AFF4: variants seen among roughly 807,000 people sequenced by gnomAD.
AFF4 encodes the protein ALF transcription elongation factor 4.
A neutral mutation model predicts 124.8 loss-of-function variants in AFF4; 13 were observed. The observed-to-expected ratio is 0.10, with a 90% CI of 0.07 to 0.17. The LOEUF (loss-of-function observed/expected upper bound fraction) is 0.17. Among genes scored for constraint, AFF4 ranks in the 10% least tolerant of loss-of-function variants. The pLI is 1.00. For synonymous variants in AFF4, 477 were observed against 496.1 expected (o/e 0.96, Z 0.51); for missense variants, 1,092 against 1,403.8 (o/e 0.78, Z 3.55).
At chr5:132,892,546 A>AT in intron 12 of AFF4, 142 bp from the exon 13 acceptor site, 1 of 1,283,526 alleles carries the variant, frequency 7.8e-7, no homozygotes, top group Non-Finnish European at 1.1e-6. Context: ...ATAAAACAAA[A>AT]TAAGACTGTA....
At chr5:132,914,675 T>TAAAAAACAAAAACAACAGAGAAAG (rs1760868422) in intron 5 of AFF4, among the ~76,000 whole-genome samples, 1 of 147,406 alleles carries the variant, frequency 6.8e-6, no homozygotes, top group Non-Finnish European at 1.5e-5. Flanking sequence ...ATCAGTGCAA[T>TAAAAAACAAAAACAACAGAGAAAG]AAAAAACAAA....
intron 1 of AFF4, among the ~76,000 whole-genome samples, chr5:132,946,370 T>C (rs1258221959): frequency 6.6e-6 from 1 of 152,206 alleles, no homozygotes. Flanking sequence ...CCAATGTTCA[T>C]AGCAGCATTG....
chr5:132,936,266 CAAA>C (rs747936348), intron 2 of AFF4, among the ~76,000 whole-genome samples: 1 of 45,460 alleles, frequency 2.2e-5, no homozygotes, highest in African/African-American at 8.8e-5. Flanking sequence ...GACTCCGTCT[CAAA>C]AAAAAAAAAA....
In AFF4 at chr5:132,934,594, G is replaced by A. The variant is rs1761380887; in HGVS notation, c.471C>T (p.Asn157=). The change falls in exon 3 of 21, where the codon AAC becomes AAT. Residue 157 remains asparagine, a synonymous_variant. Transcript: ENST00000265343. ...TTTTCCGGCTACTGCTCCCACTATTGTTATATGACTCACGGTCGTGCCTCT... is the reference window on the plus strand; with the variant it reads ...TTTTCCGGCTACTGCTCCCACTATTATTATATGACTCACGGTCGTGCCTCT... ...SGQRHDRESY[N]NSGSSSRKKG... is the part of the protein sequence containing the mutation. 6 of 1,614,064 alleles carry A rather than the reference G, an allele frequency of 3.7e-6. No homozygotes were observed. The East Asian group carries it at 1.3e-4, about 36-fold the overall frequency.
intron 5 of AFF4, among the ~76,000 whole-genome samples, chr5:132,907,596 A>G (rs751740073): frequency 2.0e-5 from 3 of 152,098 alleles, no homozygotes; most frequent in Non-Finnish European, 4.4e-5. Context: ...ATGCATGTGT[A>G]CCTGTGTGCT....
chr5:132,953,163 T>TA (rs112131226), intron 1 of AFF4, among the ~76,000 whole-genome samples: 3,615 of 143,308 alleles, frequency 0.025, 128 homozygotes, highest in African/African-American at 0.081. Flanking sequence ...CTGTCTCTAC[T>TA]AAAAAAAAAA....
In AFF4 at chr5:132,897,240, G is replaced by C. The variant is rs768091609; in HGVS notation, c.1390C>G (p.Pro464Ala). 2 of 1,610,012 alleles carry C rather than the reference G, an allele frequency of 1.2e-6. No individual in the cohort carries two copies. The highest frequency in any genetic ancestry group is 1.7e-6 in the Non-Finnish European group (2 of 1,177,516). The change falls in exon 11 of 21, where the codon CCT (proline) becomes GCT (alanine). Residue 464 changes from proline to alanine, a missense_variant and splice_region_variant. Transcript: ENST00000265343. ...CATTTGTTTGTTGGCGGGGGTTCAG[G>C]CTGAAAAACAGAGAAATATGTATGC... ...NEPSQSASPEPEPPPTNKWQL... is the reference protein window; with the variant it reads ...NEPSQSASPEAEPPPTNKWQL...
At chr5:132,958,603 G>A (rs758122002) in intron 1 of AFF4, among the ~76,000 whole-genome samples, 62 of 151,834 alleles carry the variant, frequency 4.1e-4, no homozygotes, top group African/African-American at 1.2e-3. Flanking sequence ...CTTTAAAAAC[G>A]GTGAAATTTT....
intron 12 of AFF4, 51 bp downstream of exon 12, chr5:132,892,979 T>G: frequency 1.3e-6 from 2 of 1,538,988 alleles, no homozygotes; most frequent in Non-Finnish European, 1.8e-6. Context: ...CACTATCAAA[T>G]GATATACATA....
chr5:132,895,932 G>A (rs1397556233), intron 11 of AFF4, among the ~76,000 whole-genome samples: 1 of 152,178 alleles, frequency 6.6e-6, no homozygotes, highest in African/African-American at 2.4e-5. Context: ...GACTTGGTCT[G>A]GGTGTACATC....
chr5:132,955,128 C>T (rs1761924001), intron 1 of AFF4, among the ~76,000 whole-genome samples: 1 of 152,116 alleles, frequency 6.6e-6, no homozygotes. Context: ...CCTCTCCAAC[C>T]CATAGTCTCC....
rs1288500778 is a variant in AFF4 at position 132,934,706 on chromosome 5, G to T, written c.359C>A (p.Ser120Tyr). Reference protein sequence around the residue: ...PVGPAPSTSQSQKRSSGLQSG... With the variant: ...PVGPAPSTSQYQKRSSGLQSG... ...CTGTAAGCCTGAGGACCGTTTCTGA[G>T]ACTGAGAAGTGCTGGGTGCGGGTCC... The change falls in exon 3 of 21, where the codon TCT (serine) becomes TAT (tyrosine). Residue 120 changes from serine (S) to tyrosine (Y), a missense_variant. Physicochemically the swap from Ser to Tyr is moderately radical, Grantham distance 144 (BLOSUM62 -2). Transcript: ENST00000265343. The T allele has an allele frequency of 6.2e-7, 1 of 1,614,096 alleles. No homozygotes were observed. Among genetic ancestry groups the T allele is most frequent in the Admixed American group, 1.7e-5 (1 of 60,010 alleles).
chr5:132,927,026 G>C, intron 5 of AFF4, 95 bp downstream of exon 5: 1 of 989,978 alleles, frequency 1.0e-6, no homozygotes, highest in Non-Finnish European at 1.5e-6. Flanking sequence ...TCTCCCACTA[G>C]AATAGGAATG....
intron 5 of AFF4, among the ~76,000 whole-genome samples, chr5:132,908,437 TAAC>T (rs1760717735): frequency 6.6e-6 from 1 of 151,894 alleles, no homozygotes; most frequent in Admixed American, 6.6e-5. Flanking sequence ...TAAATCACAG[TAAC>T]AAAATTTCAG....
chr5:132,947,442 T>C (rs944887152), intron 1 of AFF4, among the ~76,000 whole-genome samples: 2 of 152,198 alleles, frequency 1.3e-5, no homozygotes, highest in African/African-American at 4.8e-5. Context: ...AAAATGTGTA[T>C]TCTAACATCC....
At chr5:132,944,400 A>G (rs943584608) in intron 1 of AFF4, among the ~76,000 whole-genome samples, 5 of 152,056 alleles carry the variant, frequency 3.3e-5, no homozygotes, top group African/African-American at 1.2e-4. Flanking sequence ...TAATCCCAGC[A>G]CTTTGGAAGC....
intron 4 of AFF4, chr5:132,927,632 C>T (rs1053442912): frequency 6.2e-6 from 1 of 161,792 alleles, no homozygotes; most frequent in Non-Finnish European, 1.3e-5. Context: ...TTAGTACTCA[C>T]AATGACATTA....
At chr5:132,931,537 A>AT (rs1244888828) in intron 4 of AFF4, among the ~76,000 whole-genome samples, 2 of 152,258 alleles carry the variant, frequency 1.3e-5, no homozygotes, top group African/African-American at 4.8e-5. Flanking sequence ...GGTTTGACTG[A>AT]TAACTACTGA....
intron 5 of AFF4, among the ~76,000 whole-genome samples, chr5:132,921,534 T>A (rs1393719422): frequency 1.3e-5 from 2 of 150,430 alleles, no homozygotes; most frequent in African/African-American, 2.4e-5. Flanking sequence ...AATGACACGA[T>A]CTCGGCTCAC....
Sources: gnomAD v4.1 joint callset for allele counts (sites outside exome capture counted in the v4.1 genomes callset) on GRCh38, gnomAD v4.1.1 for gene constraint, MANE v1.5 for transcripts, NCBI Gene and HGNC (gene_info 2026-07-23, HGNC 2026-07-21) for gene names.